Variants in ARRB1 observed in about 807,000 individuals in gnomAD.
The protein encoded by ARRB1 is arrestin beta 1, also known as beta-arrestin-1.
In ARRB1, 21 loss-of-function variants were observed where a neutral mutation model predicts 56.8. The observed-to-expected ratio is 0.37, with a 90% CI of 0.26 to 0.53. The LOEUF is 0.53. Among genes scored for constraint, ARRB1 ranks in the 20% least tolerant of loss-of-function variants. The probability of loss-of-function intolerance (pLI) is 0.88; values close to 1 mark genes in which losing one functional copy is unlikely to be tolerated. For missense variants in ARRB1, 424 were observed against 553.7 expected, an observed-to-expected ratio of 0.77 and a Z score of 2.35; for synonymous variants, 210 against 218.6, an observed-to-expected ratio of 0.96 and a Z score of 0.35.
chr11:75,321,025 C>T (rs1277553796), intron 1 of ARRB1, among the ~76,000 whole-genome samples: 1 of 152,168 alleles, frequency 6.6e-6, no homozygotes, highest in African/African-American at 2.4e-5. Flanking sequence ...CACATACACT[C>T]ACTAGTGGGG....
intron 5 of ARRB1, 37 bp from the exon 6 acceptor site, chr11:75,282,058 TCCA>T: frequency 6.2e-7 from 1 of 1,606,080 alleles, no homozygotes; most frequent in South Asian, 1.1e-5. Flanking sequence ...ACCTGTCACA[TCCA>T]CCACTGTCCT....
At position 75,263,008 on chromosome 11, in the gene ARRB1, G is replaced by T. The variant is rs2140384141; in HGVS notation, c.*3155C>A. Among the ~76,000 whole-genome samples, 1 of 152,270 alleles carries T rather than the reference G, an allele frequency of 6.6e-6. No individual in the cohort carries two copies. The highest frequency in any genetic ancestry group is 3.4e-3 in the Middle Eastern group (1 of 294). ...CTCTCTGCTCGGTGGGTTTTCACCG[G>T]GGCATGCTTTTCCTTCCTGCCCGGA... On this transcript the variant is annotated 3_prime_UTR_variant, in exon 16 of 16. Transcript: ENST00000420843.
At chr11:75,315,130 C>G (rs1309150244) in intron 1 of ARRB1, among the ~76,000 whole-genome samples, 1 of 152,162 alleles carries the variant, frequency 6.6e-6, no homozygotes, top group African/African-American at 2.4e-5. Flanking sequence ...TTTCATGTTG[C>G]TTGGGCACCC....
At chr11:75,309,668 G>C (rs1044850526) in intron 1 of ARRB1, among the ~76,000 whole-genome samples, 2 of 152,110 alleles carry the variant, frequency 1.3e-5, no homozygotes, top group Admixed American at 1.3e-4. Context: ...GGAAATAATG[G>C]GTATATGAGG....
chr11:75,272,707 G>A (rs1946097954), intron 12 of ARRB1, 188 bp downstream of exon 12: 2 of 592,596 alleles, frequency 3.4e-6, no homozygotes, highest in East Asian at 2.8e-5. Flanking sequence ...GGCCAAGGAA[G>A]GAAGAGAGGG....
At chr11:75,349,740 C>T (rs1484734216) in intron 1 of ARRB1, among the ~76,000 whole-genome samples, 1 of 152,262 alleles carries the variant, frequency 6.6e-6, no homozygotes. Context: ...TACCTTCCTA[C>T]TGAGGACAGA....
chr11:75,270,243 G>A (rs966039468), intron 13 of ARRB1, among the ~76,000 whole-genome samples: 4 of 152,254 alleles, frequency 2.6e-5, no homozygotes, highest in African/African-American at 7.2e-5. Context: ...CACTTTGGGA[G>A]GCCAAGGCGG....
At chr11:75,318,144 T>A (rs543500380) in intron 1 of ARRB1, among the ~76,000 whole-genome samples, 1 of 136,874 alleles carries the variant, frequency 7.3e-6, no homozygotes, top group African/African-American at 2.7e-5. Flanking sequence ...TAAGCATTTC[T>A]AACTTTTTTT....
intron 1 of ARRB1, among the ~76,000 whole-genome samples, chr11:75,327,246 G>A (rs1947451208): frequency 7.3e-6 from 1 of 137,850 alleles, no homozygotes. Context: ...AGCTTGCAGT[G>A]AGCCGAGATG....
At position 75,328,657 on chromosome 11, in the gene ARRB1, A is replaced by C. The variant is rs12282407; in HGVS notation, c.20+22931T>G. On this transcript the variant is annotated intron_variant, in intron 1 of 15. Transcript: ENST00000420843. Reference sequence around the variant, plus strand: ...CAACTGCTGGCCACCTGGTGTGGACAGCTCAGGCCAAGTCCCAGACTCTAC... The same window carrying C: ...CAACTGCTGGCCACCTGGTGTGGACCGCTCAGGCCAAGTCCCAGACTCTAC... 4.0e-3 allele frequency among the ~76,000 whole-genome samples: 604 copies of C among 152,350 alleles called. 4 individuals are homozygous for C. Among genetic ancestry groups the C allele is most frequent in the African/African-American group, 0.014 (588 of 41,576 alleles).
intron 1 of ARRB1, among the ~76,000 whole-genome samples, chr11:75,336,595 G>T (rs1225007527): frequency 6.6e-5 from 10 of 152,158 alleles, no homozygotes; most frequent in Admixed American, 1.3e-4. Flanking sequence ...GTGAGCTGAG[G>T]GGTTTCCTGA....
intron 12 of ARRB1, chr11:75,272,651 G>A (rs1446887589): frequency 2.7e-5 from 14 of 523,736 alleles, no homozygotes. Flanking sequence ...GGATAGAGGA[G>A]GAGGAGAGAG....
chr11:75,309,041 G>T (rs1477203084), intron 1 of ARRB1, among the ~76,000 whole-genome samples: 1 of 152,248 alleles, frequency 6.6e-6, no homozygotes, highest in African/African-American at 2.4e-5. Flanking sequence ...GGGAGGGGAA[G>T]AGAAAAGTTA....
At chr11:75,272,831 C>A (rs183655060) in intron 12 of ARRB1, 64 bp downstream of exon 12, 2 of 1,537,026 alleles carry the variant, frequency 1.3e-6, no homozygotes, top group East Asian at 2.3e-5. Flanking sequence ...GGGGCAGGGG[C>A]CTGTGGGCAC....
At chr11:75,280,038 T>C (rs185107767) in intron 7 of ARRB1, among the ~76,000 whole-genome samples, 1 of 152,318 alleles carries the variant, frequency 6.6e-6, no homozygotes, top group Admixed American at 6.5e-5. Context: ...AAATGGTGTC[T>C]GGCACCTAAT....
intron 1 of ARRB1, among the ~76,000 whole-genome samples, chr11:75,346,089 C>T (rs1280967239): frequency 6.6e-6 from 1 of 152,126 alleles, no homozygotes. Flanking sequence ...TCCCTTCCTC[C>T]ACAGCCTCAC....
chr11:75,322,949 T>C (rs1462006848), intron 1 of ARRB1, among the ~76,000 whole-genome samples: 1 of 152,218 alleles, frequency 6.6e-6, no homozygotes, highest in African/African-American at 2.4e-5. Flanking sequence ...ATGAGCAACT[T>C]TACGCATGTA....
At chr11:75,329,954 T>C (rs542280988) in intron 1 of ARRB1, among the ~76,000 whole-genome samples, 1 of 152,090 alleles carries the variant, frequency 6.6e-6, no homozygotes, top group Admixed American at 6.5e-5. Context: ...GAGATGTGAT[T>C]GCACCACTGC....
rs894666371 is a variant in ARRB1, at chr11:75,276,877, T to C, written c.738A>G (p.Thr246=). The change falls in exon 10 of 16, where the codon ACA becomes ACG. Residue 246 remains threonine, a synonymous_variant. Coordinates refer to ENST00000420843, the MANE Select transcript of ARRB1 (RefSeq NM_004041.5). The part of the protein sequence containing the change: ...RQYADICLFN[T]AQYKCPVAME... ...TGGCAACAGGGCACTTGTACTGAGCTGTGTTGAAAAGGCAGATGTCTGCAT... is the reference window on the plus strand; with the variant it reads ...TGGCAACAGGGCACTTGTACTGAGCCGTGTTGAAAAGGCAGATGTCTGCAT... 7 of 1,614,164 alleles carry C rather than the reference T, an allele frequency of 4.3e-6. No individual in the cohort carries two copies. The African/African-American group carries it at 6.7e-5, about 15-fold the overall frequency.
Sources: gnomAD v4.1 joint callset for allele counts (sites outside exome capture counted in the v4.1 genomes callset) on GRCh38, gnomAD v4.1.1 for gene constraint, MANE v1.5 for transcripts, NCBI Gene and HGNC (gene_info 2026-07-23, HGNC 2026-07-21) for gene names.